Variants in ATG2A observed in about 807,000 individuals in gnomAD.
The protein encoded by ATG2A is autophagy-related protein 2 homolog A.
ATG2A carries 103 observed loss-of-function variants against 214.2 expected under a neutral mutation model. That is an observed-to-expected ratio of 0.48 (90% CI 0.41 to 0.57). The LOEUF is 0.57. Ranked by LOEUF, ATG2A falls within the 20% of genes least tolerant of loss-of-function variation. The pLI, the probability that ATG2A is intolerant of heterozygous loss-of-function variation, is 0.00. For synonymous variants in ATG2A, 1,160 were observed against 1,142.1 expected (o/e 1.02, Z -0.32); for missense variants, 2,312 against 2,613.2 (o/e 0.88, Z 2.51).
chr11:64,903,629 A>AC lies in ATG2A; in HGVS notation c.3495dup (p.Ser1166ValfsTer5). The AC allele has an allele frequency of 6.5e-7, 1 of 1,550,094 alleles. No individual in the cohort carries two copies. Among genetic ancestry groups the AC allele is most frequent in the Non-Finnish European group, 8.7e-7 (1 of 1,146,606 alleles). The stretch of plus-strand genomic sequence containing the variant: ...AGGGTCTCCACCTCACACTTGTCGG[A>AC]CAGGTACAAGGCGGAGTCATCGAGG... On this transcript the variant is annotated frameshift_variant, in exon 25 of 41. Transcript: ENST00000377264. LOFTEE classifies it high-confidence loss of function. The surrounding 1 kb of genome is among the most constrained non-coding windows in gnomAD (Gnocchi z 4.2).
Position 64,910,629 on chromosome 11 carries a change from C to T in ATG2A, c.1694G>A (p.Arg565His), listed in dbSNP as rs1242809115. ...CAHLRHTQIL[R>H]RVPKSRPRRS... ...CGGGTGGGTTACCTTAGGCACACGG[C>T]GCAGGATCTGTGTGTGGCGCAGATG... The change falls in exon 12 of 41, where the codon CGC (arginine) becomes CAC (histidine). Residue 565 changes from arginine (R) to histidine (H), a missense_variant. By Grantham distance (29) the Arg-to-His change is conservative (BLOSUM62 0). Coordinates refer to ENST00000377264, the MANE Select transcript of ATG2A (RefSeq NM_015104.3). 8.7e-6 allele frequency: 14 copies of T among 1,603,106 alleles called. No individual in the cohort carries two copies. Among genetic ancestry groups the T allele is most frequent in the South Asian group, 6.7e-5 (6 of 89,264 alleles).
chr11:64,907,106 GGTGGGCAGGCTGGC>G lies in ATG2A; in HGVS notation c.2832+135_2832+148del, dbSNP rs145630302. The stretch of plus-strand genomic sequence containing the variant: ...AGAAGGAGCTGATGGGCTGTGACAG[GGTGGGCAGGCTGGC>G]GTGGGTGGGCTGGCGCTGCCCACTC... On this transcript the variant is annotated intron_variant, in intron 19 of 40. Transcript: ENST00000377264. The G allele has an allele frequency of 7.0e-3, 6,984 of 998,866 alleles. 39 individuals are homozygous for G. Among genetic ancestry groups the G allele is most frequent in the Non-Finnish European group, 8.5e-3 (5,951 of 703,014 alleles). 61.9% of individuals were successfully genotyped at this position (998,866 alleles called of 1,614,324 possible).
In ATG2A at chr11:64,909,116, T is replaced by C. The variant is rs756993506; in HGVS notation, c.2239A>G (p.Thr747Ala). The part of the protein sequence containing the change: ...VVTVNPQSSS[T>A]QWEVAPEKGE... ...TTCTCCGGGGCCACCTCCCACTGTGTGCTGCTGGACTGGGGGTTCACAGTC... is the reference window on the plus strand; with the variant it reads ...TTCTCCGGGGCCACCTCCCACTGTGCGCTGCTGGACTGGGGGTTCACAGTC... Residue 747 changes from threonine (T) to alanine (A), a missense_variant, in exon 16 of 41, where the codon ACA (threonine) becomes GCA (alanine). Physicochemically the swap from Thr to Ala is moderately conservative, Grantham distance 58 (BLOSUM62 0). Coordinates refer to ENST00000377264, the MANE Select transcript of ATG2A (RefSeq NM_015104.3). The C allele has an allele frequency of 1.1e-5, 17 of 1,612,448 alleles. No homozygotes were observed. The Middle Eastern group carries it at 2.3e-3, about 219-fold the overall frequency.
intron 10 of ATG2A, 41 bp from the exon 11 acceptor site, chr11:64,910,995 G>A (rs768447028): frequency 1.2e-6 from 2 of 1,613,590 alleles, no homozygotes; most frequent in Non-Finnish European, 1.7e-6. Flanking sequence ...GCACTTAGGG[G>A]GCTCTGATGG....
At position 64,894,807 on chromosome 11, in the gene ATG2A, G is replaced by A. The variant is rs771340699; in HGVS notation, c.*166C>T. The A allele has an allele frequency of 3.4e-6, 3 of 874,878 alleles. No homozygotes were observed. Among genetic ancestry groups the A allele is most frequent in the South Asian group, 1.3e-5 (1 of 75,092 alleles). 54.2% of individuals were successfully genotyped at this position (874,878 alleles called of 1,614,324 possible). ...GAGCCAGGGCTAAGGCCCCAAGGCA[G>A]GGAGGCCCCCCTCTCACAGCAGATT... On this transcript the variant is annotated 3_prime_UTR_variant, in exon 41 of 41. Coordinates refer to ENST00000377264, the MANE Select transcript of ATG2A (RefSeq NM_015104.3).
chr11:64,909,805 G>C lies in ATG2A; in HGVS notation c.1983C>G (p.Gly661=). Residue 661 remains glycine (G), a synonymous_variant, in exon 14 of 41, where the codon GGC becomes GGG. Transcript: ENST00000377264. ...DLRPEPDPWA[G]QAVRAEQLRL... is the part of the protein sequence containing the mutation. ...GAAGCTGCTCAGCCCGCACGGCCTG[G>C]CCCGCCCAGGGGTCCGGCTCAGGCC... 6.2e-7 allele frequency: 1 copy of C among 1,611,684 alleles called. No individual in the cohort carries two copies. Among genetic ancestry groups the C allele is most frequent in the Non-Finnish European group, 8.5e-7 (1 of 1,179,594 alleles).
At chr11:64,899,097 GT>G (rs1343964091) in intron 31 of ATG2A, among the ~76,000 whole-genome samples, 3 of 152,166 alleles carry the variant, frequency 2.0e-5, no homozygotes, top group Non-Finnish European at 4.4e-5. Context: ...TAGAGACAGG[GT>G]TTCACAACGT....
Position 64,903,455 on chromosome 11 carries a change from T to C in ATG2A, c.3536-91A>G. 6.5e-7 allele frequency: 1 copy of C among 1,533,080 alleles called. No individual in the cohort carries two copies. The highest frequency in any genetic ancestry group is 8.9e-7 in the Non-Finnish European group (1 of 1,118,346). 95.0% of individuals were successfully genotyped at this position (1,533,080 alleles called of 1,614,324 possible). A position where few individuals can be genotyped will look rare whatever the true frequency, so the allele number is the denominator to read the frequency against. On this transcript the variant is annotated intron_variant, in intron 25 of 40. Coordinates refer to ENST00000377264, the MANE Select transcript of ATG2A (RefSeq NM_015104.3). This position sits in a 1 kb window ranked among gnomAD's most constrained non-coding sequence, Gnocchi z 4.2. ...GGGAAGGATCCGGTTGATCCAGGTG[T>C]AGTCCCTGCTGTGCGGGCTACGTGT...
chr11:64,896,882 G>A lies in ATG2A; in HGVS notation c.5151-13C>T. On this transcript the variant is annotated splice_polypyrimidine_tract_variant and intron_variant, in intron 37 of 40. Coordinates refer to ENST00000377264, the MANE Select transcript of ATG2A (RefSeq NM_015104.3). ...CACACCCAGGAGCCTGGCAGGGCAG[G>A]GAGGTGAGGAGGCAGAAGGTGAGGC... 1 of 1,612,566 alleles carries A rather than the reference G, an allele frequency of 6.2e-7. No homozygotes were observed. The highest frequency in any genetic ancestry group is 1.1e-5 in the South Asian group (1 of 91,056).
rs756853132 is a variant in ATG2A, at chr11:64,896,885, G to A, written c.5151-16C>T. On this transcript the variant is annotated splice_polypyrimidine_tract_variant and intron_variant, in intron 37 of 40. Transcript: ENST00000377264. The stretch of plus-strand genomic sequence containing the variant: ...ACCCAGGAGCCTGGCAGGGCAGGGA[G>A]GTGAGGAGGCAGAAGGTGAGGCAGA... 26 of 1,612,336 alleles carry A rather than the reference G, an allele frequency of 1.6e-5. No homozygotes were observed. In the African/African-American group the frequency reaches 3.2e-4, roughly 20 times the overall value.
chr11:64,902,275 G>C lies in ATG2A; in HGVS notation c.3889C>G (p.Leu1297Val). 6.2e-7 allele frequency: 1 copy of C among 1,613,058 alleles called. No homozygotes were observed. The highest frequency in any genetic ancestry group is 8.5e-7 in the Non-Finnish European group (1 of 1,180,004). ...LLDTERSLRE[L>V]AQPSGGHLPQ... ...CCCACTTCACCTGAAGGCTGGGCCAGCTCCCGTAGGCTGCGCTCGGTGTCC... is the reference window on the plus strand; with the variant it reads ...CCCACTTCACCTGAAGGCTGGGCCACCTCCCGTAGGCTGCGCTCGGTGTCC... The change falls in exon 28 of 41, where the codon CTG becomes GTG. Residue 1297 changes from leucine to valine, a missense_variant. By Grantham distance (32) the Leu-to-Val change is conservative. Coordinates refer to ENST00000377264, the MANE Select transcript of ATG2A (RefSeq NM_015104.3).
intron 10 of ATG2A, 39 bp from the exon 11 acceptor site, chr11:64,910,993 G>C (rs749158077): frequency 2.5e-6 from 4 of 1,613,488 alleles, no homozygotes; most frequent in East Asian, 2.2e-5. Flanking sequence ...GTGCACTTAG[G>C]GGGCTCTGAT....
chr11:64,910,210 G>A lies in ATG2A; in HGVS notation c.1708-15C>T, dbSNP rs1313859826. ...CGGGGTCGGCTCTGAGGGCGAGGGC[G>A]TTCAGGTCAGTGAGGGCTGAGTGGT... On this transcript the variant is annotated splice_polypyrimidine_tract_variant and intron_variant, in intron 12 of 40. Coordinates refer to ENST00000377264, the MANE Select transcript of ATG2A (RefSeq NM_015104.3). The A allele has an allele frequency of 5.8e-5, 91 of 1,580,178 alleles. No individual in the cohort carries two copies. Among genetic ancestry groups the A allele is most frequent in the Admixed American group, 7.2e-5 (4 of 55,360 alleles).
chr11:64,898,798 G>A lies in ATG2A; in HGVS notation c.4509C>T (p.Gly1503=), dbSNP rs766267906. The A allele has an allele frequency of 8.7e-6, 14 of 1,613,270 alleles. No homozygotes were observed. In the Admixed American group the frequency reaches 1.5e-4, roughly 17 times the overall value. ...CCAGCTCCTGGCTGGGGGCCGCAGG[G>A]CCTGTGGCTGGCTCCGCTGGGTACA... The part of the protein sequence containing the change: ...HEVYPAEPAT[G]PAAPSQELEE... The change falls in exon 32 of 41, where the codon GGC becomes GGT. Residue 1503 remains glycine, a synonymous_variant. Transcript: ENST00000377264. This position sits in a 1 kb window ranked among gnomAD's most constrained non-coding sequence, Gnocchi z 4.5.
In ATG2A at chr11:64,902,150, T is replaced by C. The variant is rs755251979; in HGVS notation, c.3931A>G (p.Ile1311Val). 1.7e-5 allele frequency: 27 copies of C among 1,613,156 alleles called. No homozygotes were observed. In the Admixed American group the frequency reaches 4.3e-4, roughly 26 times the overall value. The change falls in exon 29 of 41, where the codon ATC becomes GTC. Residue 1311 changes from isoleucine (I) to valine (V), a missense_variant. Physicochemically the swap from Ile to Val is conservative, Grantham distance 29 (BLOSUM62 3). Coordinates refer to ENST00000377264, the MANE Select transcript of ATG2A (RefSeq NM_015104.3). ...TCACCTGGGAATAGGTAGACGGAGA[T>C]GGGCGACGCCTGAGGGAGGTGGCCA... ...SGGHLPQASP[I>V]SVYLFPGERS...
chr11:64,901,470 A>C (rs1159165988), intron 29 of ATG2A, among the ~76,000 whole-genome samples: 1 of 152,032 alleles, frequency 6.6e-6, no homozygotes, highest in African/African-American at 2.4e-5. Context: ...TACAGGCGTA[A>C]CCTACCATGC....
chr11:64,905,236 T>C (rs1013112592), intron 24 of ATG2A, among the ~76,000 whole-genome samples: 1 of 152,194 alleles, frequency 6.6e-6, no homozygotes, highest in African/African-American at 2.4e-5. Context: ...CATGCTTATT[T>C]GCTCAGGTTG....
At position 64,913,409 on chromosome 11, in the gene ATG2A, G is replaced by A; in HGVS notation, c.591-8C>T. On this transcript the variant is annotated splice_polypyrimidine_tract_variant and splice_region_variant and intron_variant, in intron 4 of 40. Coordinates refer to ENST00000377264, the MANE Select transcript of ATG2A (RefSeq NM_015104.3). The surrounding 1 kb of genome is among the most constrained non-coding windows in gnomAD (Gnocchi z 4.3). ...TCATCACAGTACTCCAGTCTGGAGAGTGTAGGGTCAGCCCGTGCCCTGGCC... is the reference window on the plus strand; with the variant it reads ...TCATCACAGTACTCCAGTCTGGAGAATGTAGGGTCAGCCCGTGCCCTGGCC... 1 of 1,573,638 alleles carries A rather than the reference G, an allele frequency of 6.4e-7. No individual in the cohort carries two copies. The highest frequency in any genetic ancestry group is 2.3e-5 in the East Asian group (1 of 43,362).
At position 64,917,155 on chromosome 11, in the gene ATG2A, G is replaced by A. The variant is rs374078262; in HGVS notation, c.-20C>T. 5.8e-5 allele frequency: 92 copies of A among 1,579,474 alleles called. No individual in the cohort carries two copies. Among genetic ancestry groups the A allele is most frequent in the Non-Finnish European group, 7.1e-5 (82 of 1,162,126 alleles). On this transcript the variant is annotated 5_prime_UTR_variant, in exon 1 of 41. Transcript: ENST00000377264. Reference sequence around the variant, plus strand: ...TGACATCTCGGAGACCGCCGGGCCTGGGCCGCCTCCGCTTGCCGCCCGCCG... The same window carrying A: ...TGACATCTCGGAGACCGCCGGGCCTAGGCCGCCTCCGCTTGCCGCCCGCCG...
Sources: gnomAD v4.1 joint callset for allele counts (sites outside exome capture counted in the v4.1 genomes callset) on GRCh38, gnomAD v4.1.1 for gene constraint, Gnocchi (gnomAD v3.1) non-coding constraint, MANE v1.5 for transcripts, NCBI Gene and HGNC (gene_info 2026-07-23, HGNC 2026-07-21) for gene names.